Variants in UGT1A9 observed in about 807,000 individuals in gnomAD.
UGT1A9 encodes the protein UDP-glucuronosyltransferase 1A9.
In UGT1A9, 35 loss-of-function variants were observed where a neutral mutation model predicts 45.0. The ratio of observed to expected loss-of-function variants is 0.78; its 90% CI spans 0.59 to 1.03. UGT1A9 has a LOEUF of 1.03. Ranked by LOEUF, UGT1A9 falls within the 50% of genes least tolerant of loss-of-function variation. The pLI, the probability that UGT1A9 is intolerant of heterozygous loss-of-function variation, is 0.00. For missense variants in UGT1A9, 687 were observed against 666.6 expected (o/e 1.03, Z -0.34); for synonymous variants, 278 against 250.6 (o/e 1.11, Z -1.03).
intron 3 of UGT1A9, 26 bp downstream of exon 3, chr2:233,767,962 G>A: frequency 5.0e-6 from 8 of 1,614,120 alleles, no homozygotes; most frequent in Non-Finnish European, 5.9e-6. Flanking sequence ...TGGATGTATA[G>A]GTCAAACCAG....
chr2:233,703,554 T>C (rs2075743113), intron 1 of UGT1A9, among the ~76,000 whole-genome samples: 1 of 152,108 alleles, frequency 6.6e-6, no homozygotes, highest in Non-Finnish European at 1.5e-5. Flanking sequence ...TTATTGCTAG[T>C]AATATTTTTT....
At position 233,672,232 on chromosome 2, in the gene UGT1A9, G is replaced by A. The variant is rs2074216614; in HGVS notation, c.298G>A (p.Ala100Thr). ...GGCTTTTGCCCATGCTCAATGGAAA[G>A]CACAAGTACGAAGTATATATTCTCT... Reference protein sequence around the residue: ...FKAFAHAQWKAQVRSIYSLLM... With the variant: ...FKAFAHAQWKTQVRSIYSLLM... The change falls in exon 1 of 5, where the codon GCA becomes ACA. Residue 100 changes from alanine to threonine, a missense_variant. Transcript: ENST00000354728. The A allele has an allele frequency of 2.5e-6, 4 of 1,613,864 alleles. No homozygotes were observed. The highest frequency in any genetic ancestry group is 2.7e-5 in the African/African-American group (2 of 74,922).
chr2:233,732,326 T>G (rs2078260709), intron 1 of UGT1A9, among the ~76,000 whole-genome samples: 1 of 152,270 alleles, frequency 6.6e-6, no homozygotes, highest in African/African-American at 2.4e-5. Flanking sequence ...TGGCTTTTGT[T>G]GCCATTGCTT....
In UGT1A9 at chr2:233,747,480, G is replaced by C. The variant is rs1693691129; in HGVS notation, c.856-19554G>C. On this transcript the variant is annotated intron_variant, in intron 1 of 4. Transcript: ENST00000354728. ...CATTTCATGGACCCAGGATGAATTT[G>C]ATCGCCTTGTGCTGGGCCACACTCA... is the stretch of plus-strand genomic sequence containing the variant. 6 of 1,608,868 alleles carry C rather than the reference G, an allele frequency of 3.7e-6. No homozygotes were observed. The South Asian group carries it at 5.5e-5, about 15-fold the overall frequency.
At chr2:233,718,755 C>G (rs372600165) in intron 1 of UGT1A9, 10 of 1,612,204 alleles carry the variant, frequency 6.2e-6, no homozygotes, top group East Asian at 4.5e-5. Flanking sequence ...GTAATTAAGG[C>G]GAAGGAAACA....
Position 233,743,652 on chromosome 2 carries a change from A to ACTCGAAGGGGTC in UGT1A9, c.856-23372_856-23361dup, listed in dbSNP as rs1188916157. On this transcript the variant is annotated intron_variant, in intron 1 of 4. Transcript: ENST00000354728. The stretch of plus-strand genomic sequence containing the variant: ...GCTGGGTCGCGGAAGCTGAAGACGT[A>ACTCGAAGGGGTC]CTCGAAGGGGTCCTCGAAGGGCCTG... 5.9e-6 allele frequency: 8 copies of ACTCGAAGGGGTC among 1,367,190 alleles called. No homozygotes were observed. The South Asian group carries it at 9.1e-5, about 16-fold the overall frequency. The allele number at this position is 1,367,190 out of a possible 1,614,324, so 84.7% of individuals were successfully genotyped here. A position where few individuals can be genotyped will look rare whatever the true frequency, so the allele number is the denominator to read the frequency against.
chr2:233,758,119 CATAAAT>C (rs775438808), intron 1 of UGT1A9, among the ~76,000 whole-genome samples: 2 of 152,188 alleles, frequency 1.3e-5, no homozygotes, highest in Admixed American at 6.5e-5. Flanking sequence ...TCACACGTTC[CATAAAT>C]ATTTGGCAGA....
chr2:233,686,085 T>C (rs534797279), intron 1 of UGT1A9, among the ~76,000 whole-genome samples: 31 of 152,310 alleles, frequency 2.0e-4, no homozygotes, highest in Non-Finnish European at 3.1e-4. Flanking sequence ...GACAACTGCA[T>C]ATCCAAGTCC....
chr2:233,708,944 C>T (rs937227879), intron 1 of UGT1A9, among the ~76,000 whole-genome samples: 1 of 152,118 alleles, frequency 6.6e-6, no homozygotes, highest in East Asian at 1.9e-4. Context: ...GTCACCAGAA[C>T]CCATTTATAT....
At chr2:233,709,038 G>A (rs2076054065) in intron 1 of UGT1A9, among the ~76,000 whole-genome samples, 1 of 152,112 alleles carries the variant, frequency 6.6e-6, no homozygotes, top group Non-Finnish European at 1.5e-5. Flanking sequence ...TTCAGCCTGA[G>A]TTCTTTTCCC....
At chr2:233,685,871 C>T (rs1042918991) in intron 1 of UGT1A9, among the ~76,000 whole-genome samples, 1 of 152,122 alleles carries the variant, frequency 6.6e-6, no homozygotes, top group African/African-American at 2.4e-5. Flanking sequence ...ATACCTAAGA[C>T]AATCAATAAT....
At chr2:233,758,491 A>G (rs953417996) in intron 1 of UGT1A9, among the ~76,000 whole-genome samples, 5 of 152,260 alleles carry the variant, frequency 3.3e-5, no homozygotes, top group African/African-American at 1.2e-4. Context: ...TGTGAATTTC[A>G]GAATTTCTAA....
intron 1 of UGT1A9, chr2:233,718,781 G>A (rs767988524): frequency 3.7e-6 from 6 of 1,612,904 alleles, no homozygotes; most frequent in Non-Finnish European, 4.2e-6. Flanking sequence ...AGCAGGCACA[G>A]CGTGGGGTGG....
chr2:233,719,081 G>A (rs146146688), intron 1 of UGT1A9: 3 of 1,614,150 alleles, frequency 1.9e-6, no homozygotes, highest in Non-Finnish European at 2.5e-6. Context: ...GGACCCAGAA[G>A]GAATTTGATC....
intron 1 of UGT1A9, among the ~76,000 whole-genome samples, chr2:233,695,229 G>T (rs1218832857): frequency 6.6e-6 from 1 of 151,334 alleles, no homozygotes; most frequent in African/African-American, 2.4e-5. Context: ...GGGTTCAAGC[G>T]ATTCTCCTGC....
intron 1 of UGT1A9, among the ~76,000 whole-genome samples, chr2:233,745,315 A>G (rs1693069084): frequency 2.0e-5 from 3 of 151,844 alleles, no homozygotes; most frequent in African/African-American, 4.9e-5. Flanking sequence ...GATTATTTCC[A>G]CTAGAACTGC....
intron 1 of UGT1A9, among the ~76,000 whole-genome samples, chr2:233,746,488 T>C (rs978125229): frequency 6.6e-6 from 1 of 151,814 alleles, no homozygotes; most frequent in Non-Finnish European, 1.5e-5. Context: ...TCCATGGACA[T>C]GTCACTCTTT....
chr2:233,706,707 T>C (rs1380660987), intron 1 of UGT1A9, among the ~76,000 whole-genome samples: 2 of 152,154 alleles, frequency 1.3e-5, no homozygotes, highest in Non-Finnish European at 2.9e-5. Context: ...TGAAAAGTCA[T>C]GGAATTCTGG....
chr2:233,699,694 T>A (rs1034858842), intron 1 of UGT1A9, among the ~76,000 whole-genome samples: 3 of 152,142 alleles, frequency 2.0e-5, no homozygotes, highest in Admixed American at 2.0e-4. Context: ...ATAAAAACAA[T>A]GAATGTGGTT....
Sources: gnomAD v4.1 joint callset for allele counts (sites outside exome capture counted in the v4.1 genomes callset) on GRCh38, gnomAD v4.1.1 for gene constraint, MANE v1.5 for transcripts, NCBI Gene and HGNC (gene_info 2026-07-23, HGNC 2026-07-21) for gene names.